Variants in KIF26B observed in about 807,000 individuals in gnomAD.
The protein encoded by KIF26B is kinesin-like protein KIF26B.
In KIF26B, 63 loss-of-function variants were observed where a neutral mutation model predicts 151.2. That is an observed-to-expected ratio of 0.42 (90% CI 0.34 to 0.51). The LOEUF (loss-of-function observed/expected upper bound fraction) is 0.51. Ranked by LOEUF, KIF26B falls within the 20% of genes least tolerant of loss-of-function variation. The probability of loss-of-function intolerance (pLI) is 0.07; values close to 1 mark genes in which losing one functional copy is unlikely to be tolerated. For synonymous variants in KIF26B, 1,357 were observed against 1,262.1 expected (o/e 1.08, Z -1.59); for missense variants, 2,813 against 2,913.6 (o/e 0.97, Z 0.79).
intron 2 of KIF26B, among the ~76,000 whole-genome samples, chr1:245,327,508 C>T (rs893500030): frequency 5.3e-5 from 8 of 152,006 alleles, no homozygotes; most frequent in East Asian, 3.9e-4. Flanking sequence ...CTCTAGAATT[C>T]GACATCTGTC....
chr1:245,667,185 TTTTC>T lies in KIF26B; in HGVS notation c.2259-17036_2259-17033del, dbSNP rs1173660110. 2.0e-5 allele frequency among the ~76,000 whole-genome samples: 3 copies of T among 152,140 alleles called. No homozygotes were observed. Among genetic ancestry groups the T allele is most frequent in the African/African-American group, 4.8e-5 (2 of 41,518 alleles). The stretch of plus-strand genomic sequence containing the variant: ...CCCAAGGCAGCATCGTCTACTTTGG[TTTTC>T]TTTCTTTCTTTTTTTGAAACACTCT... On this transcript the variant is annotated intron_variant, in intron 10 of 14. Transcript: ENST00000407071. This position sits in a 1 kb window ranked among gnomAD's most constrained non-coding sequence, Gnocchi z 4.3.
At chr1:245,609,933 G>A (rs1233123231) in intron 8 of KIF26B, among the ~76,000 whole-genome samples, 3 of 152,132 alleles carry the variant, frequency 2.0e-5, no homozygotes, top group African/African-American at 4.8e-5. Flanking sequence ...GTTTACAGCC[G>A]GATTAGCAGT....
intron 2 of KIF26B, among the ~76,000 whole-genome samples, chr1:245,179,110 C>T (rs1400629895): frequency 6.6e-6 from 1 of 152,160 alleles, no homozygotes; most frequent in South Asian, 2.1e-4. Context: ...AAGACTGCCC[C>T]TGTCTTTGTG....
chr1:245,472,035 G>A (rs759334446), intron 4 of KIF26B, among the ~76,000 whole-genome samples: 2 of 152,132 alleles, frequency 1.3e-5, no homozygotes, highest in Non-Finnish European at 2.9e-5. Context: ...CAGATGATCC[G>A]CCCACCTCGG....
chr1:245,343,627 T>C (rs1672381371), intron 2 of KIF26B, among the ~76,000 whole-genome samples: 3 of 152,238 alleles, frequency 2.0e-5, no homozygotes, highest in African/African-American at 7.2e-5. Context: ...TTCTCATAAT[T>C]GATAACGACT....
intron 10 of KIF26B, among the ~76,000 whole-genome samples, chr1:245,648,231 A>G (rs1426869657): frequency 1.3e-5 from 2 of 152,242 alleles, no homozygotes; most frequent in Non-Finnish European, 2.9e-5. Context: ...TATGATTTCT[A>G]TAAATAGTTG....
At position 245,709,068 on chromosome 1, in the gene KIF26B, T is replaced by A. The variant is rs138766920; in HGVS notation, c.*6462T>A. 6.6e-6 allele frequency: 1 copy of A among 152,360 alleles called. No homozygotes were observed. Among genetic ancestry groups the A allele is most frequent in the East Asian group, 1.9e-4 (1 of 5,192 alleles). 9.4% of individuals were successfully genotyped at this position (152,360 alleles called of 1,614,324 possible). A position where few individuals can be genotyped will look rare whatever the true frequency, so the allele number is the denominator to read the frequency against. ...AGTGTTTGCTGTTAAAATGCTTCAA[T>A]AAAACTCATTTGTTAAAGTCAGAAA... On this transcript the variant is annotated 3_prime_UTR_variant, in exon 15 of 15. Coordinates refer to ENST00000407071, the MANE Select transcript of KIF26B (RefSeq NM_018012.4).
intron 2 of KIF26B, among the ~76,000 whole-genome samples, chr1:245,193,686 A>G (rs1363604199): frequency 6.6e-6 from 1 of 152,220 alleles, no homozygotes; most frequent in Non-Finnish European, 1.5e-5. Flanking sequence ...TCCCAGTTTT[A>G]CAGATGAGAA....
chr1:245,400,510 A>G (rs1673973193), intron 3 of KIF26B, among the ~76,000 whole-genome samples: 1 of 148,484 alleles, frequency 6.7e-6, no homozygotes, highest in Non-Finnish European at 1.5e-5. Context: ...TTTTTTTGAA[A>G]TTACCTTGGC....
chr1:245,498,690 G>C (rs762396553), intron 4 of KIF26B, among the ~76,000 whole-genome samples: 48 of 152,210 alleles, frequency 3.2e-4, no homozygotes, highest in South Asian at 6.2e-4. Flanking sequence ...TTTTAGCCAG[G>C]AACTTTCAAT....
chr1:245,601,851 C>T lies in KIF26B; in HGVS notation c.1351-726C>T, dbSNP rs1019489719. On this transcript the variant is annotated intron_variant, in intron 5 of 14. Coordinates refer to ENST00000407071, the MANE Select transcript of KIF26B (RefSeq NM_018012.4). The surrounding 1 kb of genome is among the most constrained non-coding windows in gnomAD (Gnocchi z 4.4). ...GCATTTCCATAAGCACCTCGCTCGC[C>T]TGCAGGACGGGGCTGGGTTGGTGGT... 1.3e-5 allele frequency among the ~76,000 whole-genome samples: 2 copies of T among 152,180 alleles called. No individual in the cohort carries two copies. Among genetic ancestry groups the T allele is most frequent in the Non-Finnish European group, 2.9e-5 (2 of 68,048 alleles).
At chr1:245,276,343 A>T (rs563126112) in intron 2 of KIF26B, among the ~76,000 whole-genome samples, 3 of 151,944 alleles carry the variant, frequency 2.0e-5, no homozygotes, top group African/African-American at 7.2e-5. Flanking sequence ...AAAAAAAAAA[A>T]TTCTCCCTGA....
chr1:245,641,066 C>G (rs1408901604), intron 9 of KIF26B, among the ~76,000 whole-genome samples: 2 of 152,082 alleles, frequency 1.3e-5, no homozygotes, highest in African/African-American at 2.4e-5. Flanking sequence ...AAACTCATCT[C>G]TCCTTCATTT....
chr1:245,185,556 C>A (rs1481387783), intron 2 of KIF26B, among the ~76,000 whole-genome samples: 1 of 152,230 alleles, frequency 6.6e-6, no homozygotes, highest in East Asian at 1.9e-4. Context: ...TCAACAAACA[C>A]TGTGGTCTGT....
intron 4 of KIF26B, among the ~76,000 whole-genome samples, chr1:245,435,922 A>T (rs1658919030): frequency 6.6e-6 from 1 of 152,122 alleles, no homozygotes; most frequent in African/African-American, 2.4e-5. Flanking sequence ...TCACGCCTGT[A>T]AATCTCAGCA....
intron 3 of KIF26B, among the ~76,000 whole-genome samples, chr1:245,396,870 T>A (rs181420987): frequency 2.6e-5 from 4 of 152,200 alleles, no homozygotes; most frequent in African/African-American, 9.6e-5. Flanking sequence ...TGTTTCCCTA[T>A]GCACCTCCGT....
intron 10 of KIF26B, among the ~76,000 whole-genome samples, chr1:245,649,407 C>G (rs1157672146): frequency 2.0e-5 from 3 of 152,206 alleles, no homozygotes; most frequent in Non-Finnish European, 4.4e-5. Context: ...AATGTCGGAG[C>G]TGCCTTCACT....
At chr1:245,596,520 G>C (rs1209075771) in intron 5 of KIF26B, among the ~76,000 whole-genome samples, 1 of 152,150 alleles carries the variant, frequency 6.6e-6, no homozygotes, top group Non-Finnish European at 1.5e-5. Context: ...TGTGGTCTGA[G>C]AGACTGTTTG....
rs1383200323 is a variant in KIF26B at position 245,375,566 on chromosome 1, G to A, written c.999+8199G>A. 6.6e-6 allele frequency among the ~76,000 whole-genome samples: 1 copy of A among 152,118 alleles called. No individual in the cohort carries two copies. Among genetic ancestry groups the A allele is most frequent in the Non-Finnish European group, 1.5e-5 (1 of 68,034 alleles). On this transcript the variant is annotated intron_variant, in intron 3 of 14. Transcript: ENST00000407071. The surrounding 1 kb of genome is among the most constrained non-coding windows in gnomAD (Gnocchi z 4.2). ...CCTCTAGAAGCTGAGGACGGCAAGG[G>A]TGTGATTCTCCCCTAGAGCCTCCAG...
Sources: gnomAD v4.1 joint callset for allele counts (sites outside exome capture counted in the v4.1 genomes callset) on GRCh38, gnomAD v4.1.1 for gene constraint, Gnocchi (gnomAD v3.1) non-coding constraint, MANE v1.5 for transcripts, NCBI Gene and HGNC (gene_info 2026-07-23, HGNC 2026-07-21) for gene names.